Variants in COL22A1 observed in about 807,000 individuals in gnomAD.
The protein encoded by COL22A1 is collagen alpha-1(XXII) chain.
COL22A1 carries 221 observed loss-of-function variants against 248.9 expected under a neutral mutation model. That is an observed-to-expected ratio of 0.89 (90% CI 0.80 to 0.99). The LOEUF (loss-of-function observed/expected upper bound fraction) is 0.99. Among genes scored for constraint, COL22A1 ranks in the 50% least tolerant of loss-of-function variants. COL22A1 has a pLI of 0.00. For synonymous variants in COL22A1, 891 were observed against 793.4 expected (o/e 1.12, Z -2.07); for missense variants, 2,240 against 2,179.0 (o/e 1.03, Z -0.56).
At chr8:138,599,973 G>T (rs1331271489) in intron 60 of COL22A1, among the ~76,000 whole-genome samples, 1 of 152,162 alleles carries the variant, frequency 6.6e-6, no homozygotes, top group Non-Finnish European at 1.5e-5. Context: ...GAGAGACAGT[G>T]GTCCTCTCTC....
intron 5 of COL22A1, 142 bp downstream of exon 5, chr8:138,832,897 G>A: frequency 1.7e-6 from 1 of 602,690 alleles, no homozygotes. Context: ...TGGTTCAGCT[G>A]CTTCATCGCA....
intron 12 of COL22A1, among the ~76,000 whole-genome samples, chr8:138,783,327 TAAC>T (rs1453338947): frequency 6.6e-6 from 1 of 151,954 alleles, no homozygotes; most frequent in Non-Finnish European, 1.5e-5. Context: ...GTTTATTAAC[TAAC>T]AACAAGATCA....
chr8:138,699,052 G>A (rs1827748496), intron 32 of COL22A1, among the ~76,000 whole-genome samples: 1 of 152,162 alleles, frequency 6.6e-6, no homozygotes, highest in African/African-American at 2.4e-5. Flanking sequence ...GCCCTCTAGT[G>A]GTTGACAGCT....
chr8:138,623,253 T>C, intron 52 of COL22A1, among the ~76,000 whole-genome samples: 1 of 95,118 alleles, frequency 1.1e-5, no homozygotes, highest in East Asian at 2.9e-4. Flanking sequence ...TATATATATA[T>C]ATATATTTAT....
chr8:138,783,461 TGGAGGCTA>T (rs1374628673), intron 12 of COL22A1, among the ~76,000 whole-genome samples: 1 of 152,116 alleles, frequency 6.6e-6, no homozygotes, highest in African/African-American at 2.4e-5. Context: ...GGGAGAAAGA[TGGAGGCTA>T]AGAGGCTGGG....
intron 62 of COL22A1, 64 bp downstream of exon 62, chr8:138,596,840 C>A (rs1647384452): frequency 6.8e-7 from 1 of 1,469,230 alleles, no homozygotes; most frequent in South Asian, 1.2e-5. Context: ...GCATTCAAGG[C>A]TGAGTGAGAG....
At chr8:138,653,325 C>T (rs1196389758) in intron 45 of COL22A1, among the ~76,000 whole-genome samples, 1 of 152,180 alleles carries the variant, frequency 6.6e-6, no homozygotes, top group Non-Finnish European at 1.5e-5. Flanking sequence ...GCTGCCTGGA[C>T]TTCATCAGAT....
At chr8:138,687,347 CT>C (rs944287141) in intron 37 of COL22A1, among the ~76,000 whole-genome samples, 2 of 152,162 alleles carry the variant, frequency 1.3e-5, no homozygotes, top group Admixed American at 6.5e-5. Flanking sequence ...GCACTAAGTT[CT>C]TTTTTTCTGG....
intron 48 of COL22A1, among the ~76,000 whole-genome samples, chr8:138,635,899 C>T (rs545373400): frequency 2.4e-4 from 37 of 152,252 alleles, no homozygotes; most frequent in Non-Finnish European, 4.3e-4. Flanking sequence ...GTGGGTTACT[C>T]GTTCATGTCC....
At position 138,883,006 on chromosome 8, in the gene COL22A1, C is replaced by A. The variant is rs572778563; in HGVS notation, c.91+76G>T. 80 of 1,313,648 alleles carry A rather than the reference C, an allele frequency of 6.1e-5. No homozygotes were observed. In the Admixed American group the frequency reaches 1.2e-3, roughly 19 times the overall value. The allele number at this position is 1,313,648 out of a possible 1,614,324, so 81.4% of individuals were successfully genotyped here. A position where few individuals can be genotyped will look rare whatever the true frequency, so the allele number is the denominator to read the frequency against. ...TTGTGAACTCACTTGCATGCACACA[C>A]CACAGCCCATGCTCACGGACACATG... On this transcript the variant is annotated intron_variant, in intron 2 of 64. Coordinates refer to ENST00000303045, the MANE Select transcript of COL22A1 (RefSeq NM_152888.3).
intron 1 of COL22A1, among the ~76,000 whole-genome samples, chr8:138,884,771 G>C (rs1456749146): frequency 6.6e-6 from 1 of 152,174 alleles, no homozygotes. Flanking sequence ...ACATGTGGCA[G>C]GGGAGTGAGC....
At chr8:138,719,475 C>G (rs1829703566) in intron 27 of COL22A1, among the ~76,000 whole-genome samples, 1 of 152,104 alleles carries the variant, frequency 6.6e-6, no homozygotes, top group African/African-American at 2.4e-5. Flanking sequence ...CATAGTGGCT[C>G]TTGGCAATAC....
Position 138,655,901 on chromosome 8 carries a change from G to T in COL22A1, c.3329C>A (p.Ala1110Asp), listed in dbSNP as rs777762132. ...LLSPGDINLL[A>D]KDVCNDCPPG... ...GCATTTATTGTATGCTTTTACCTTAGCCAAGAGATTTATGTCCCCTGGAGA... is the reference window on the plus strand; with the variant it reads ...GCATTTATTGTATGCTTTTACCTTATCCAAGAGATTTATGTCCCCTGGAGA... Residue 1110 changes from alanine to aspartate, a missense_variant, in exon 45 of 65, where the codon GCT becomes GAT. Coordinates refer to ENST00000303045, the MANE Select transcript of COL22A1 (RefSeq NM_152888.3). The T allele has an allele frequency of 1.2e-6, 2 of 1,611,368 alleles. No individual in the cohort carries two copies. The highest frequency in any genetic ancestry group is 3.3e-5 in the Admixed American group (2 of 59,954).
At chr8:138,687,877 T>C (rs906627825) in intron 37 of COL22A1, among the ~76,000 whole-genome samples, 1 of 152,226 alleles carries the variant, frequency 6.6e-6, no homozygotes, top group African/African-American at 2.4e-5. Context: ...CTCTGGTCTC[T>C]ACCCACTGAT....
Position 138,878,313 on chromosome 8 carries a change from C to A in COL22A1, c.95G>T (p.Cys32Phe). ...GGGCQAQRAG[C>F]KSVHYDLVFL... is the part of the protein sequence containing the mutation. ...GACCAGATCGTAGTGGACACTTTTG[C>A]AACCTGCAGGGGTGAGAGAAGGGGT... Residue 32 changes from cysteine to phenylalanine, a missense_variant, in exon 3 of 65, where the codon TGC (cysteine) becomes TTC (phenylalanine). Physicochemically the swap from Cys to Phe is radical, Grantham distance 205 (BLOSUM62 -2). Transcript: ENST00000303045. The A allele has an allele frequency of 6.5e-7, 1 of 1,541,044 alleles. No individual in the cohort carries two copies. Among genetic ancestry groups the A allele is most frequent in the Non-Finnish European group, 8.8e-7 (1 of 1,140,714 alleles).
chr8:138,757,466 T>A (rs2131372895), intron 18 of COL22A1, among the ~76,000 whole-genome samples: 1 of 73,396 alleles, frequency 1.4e-5, no homozygotes, highest in Non-Finnish European at 3.1e-5. Context: ...ATTATTATAT[T>A]ACACCACAAA....
At position 138,802,853 on chromosome 8, in the gene COL22A1, G is replaced by A. The variant is rs1258143527; in HGVS notation, c.1557+19C>T. ...CCGCCCTGAGGTTCAGCCATGTAGA[G>A]GAGCAGCCATCTACTCACCACATCA... On this transcript the variant is annotated intron_variant, in intron 11 of 64. Coordinates refer to ENST00000303045, the MANE Select transcript of COL22A1 (RefSeq NM_152888.3). The A allele has an allele frequency of 1.2e-6, 2 of 1,605,632 alleles. No homozygotes were observed. Among genetic ancestry groups the A allele is most frequent in the Non-Finnish European group, 1.7e-6 (2 of 1,172,370 alleles).
chr8:138,623,697 G>T, intron 52 of COL22A1, 35 bp downstream of exon 52: 2 of 1,555,782 alleles, frequency 1.3e-6, no homozygotes, highest in Non-Finnish European at 1.8e-6. Flanking sequence ...AATAGATTTG[G>T]CATGTGATAT....
intron 12 of COL22A1, among the ~76,000 whole-genome samples, chr8:138,785,800 G>A (rs369508669): frequency 2.0e-5 from 3 of 152,324 alleles, no homozygotes. Context: ...TGTGAGATGT[G>A]GAGCAGGACT....
Sources: gnomAD v4.1 joint callset for allele counts (sites outside exome capture counted in the v4.1 genomes callset) on GRCh38, gnomAD v4.1.1 for gene constraint, MANE v1.5 for transcripts, NCBI Gene and HGNC (gene_info 2026-07-23, HGNC 2026-07-21) for gene names.